Variants in XYLB observed in about 807,000 individuals in gnomAD.
The protein encoded by XYLB is xylulose kinase.
A neutral mutation model predicts 78.7 loss-of-function variants in XYLB; 62 were observed. The observed-to-expected ratio is 0.79, with a 90% CI of 0.64 to 0.97. The LOEUF is 0.97. Among genes scored for constraint, XYLB ranks in the 50% least tolerant of loss-of-function variants. XYLB has a pLI of 0.00. For synonymous variants in XYLB, 245 were observed against 247.4 expected, an observed-to-expected ratio of 0.99 and a Z score of 0.09; for missense variants, 687 against 676.8, an observed-to-expected ratio of 1.02 and a Z score of -0.17.
At chr3:38,434,503 T>C in the XYLB span, among the ~76,000 whole-genome samples, 1 of 152,222 alleles carries the variant, frequency 6.6e-6, no homozygotes, top group Non-Finnish European at 1.5e-5. Flanking sequence ...AGAAATGTCT[T>C]TCCCAAATAA....
chr3:38,423,085 T>A (rs571096963), downstream of XYLB, among the ~76,000 whole-genome samples: 13 of 152,236 alleles, frequency 8.5e-5, no homozygotes, highest in East Asian at 2.3e-3. Context: ...TATTATTATT[T>A]TTCTTAAGAT....
chr3:38,397,108 A>G lies in XYLB; in HGVS notation c.1387A>G (p.Ile463Val). ...TGTGTTTGATGCCCCGGTGTATGTTATAGACACTGCCAACTCGGCCTGTGT... is the reference window on the plus strand; with the variant it reads ...TGTGTTTGATGCCCCGGTGTATGTTGTAGACACTGCCAACTCGGCCTGTGT... ...ADVFDAPVYV[I>V]DTANSACVGS... Residue 463 changes from isoleucine to valine, a missense_variant, in exon 17 of 19, where the codon ATA (isoleucine) becomes GTA (valine). Coordinates refer to ENST00000207870, the MANE Select transcript of XYLB (RefSeq NM_005108.4). 6.2e-7 allele frequency: 1 copy of G among 1,614,136 alleles called. No homozygotes were observed. The highest frequency in any genetic ancestry group is 8.5e-7 in the Non-Finnish European group (1 of 1,180,032).
chr3:38,355,848 C>G (rs1222729994), intron 2 of XYLB: 9 of 701,260 alleles, frequency 1.3e-5, no homozygotes, highest in Non-Finnish European at 1.6e-5. Flanking sequence ...TTCCTAACCA[C>G]CTACTGATTG....
At chr3:38,449,080 CTG>C in the XYLB span, among the ~76,000 whole-genome samples, 1 of 151,934 alleles carries the variant, frequency 6.6e-6, no homozygotes, top group Non-Finnish European at 1.5e-5. Flanking sequence ...TACAGTTGCT[CTG>C]TGTTTTTCAT....
the XYLB span, among the ~76,000 whole-genome samples, chr3:38,445,296 T>G: frequency 6.6e-6 from 1 of 152,180 alleles, no homozygotes; most frequent in Non-Finnish European, 1.5e-5. Context: ...CCTAAAAGGA[T>G]AGTTGAACTC....
the XYLB span, among the ~76,000 whole-genome samples, chr3:38,444,878 A>G: frequency 1.3e-5 from 2 of 151,534 alleles, no homozygotes; most frequent in South Asian, 4.2e-4. Flanking sequence ...TCACTGATGC[A>G]GTAGCAGAAA....
chr3:38,378,884 A>G (rs1249183326), intron 14 of XYLB, among the ~76,000 whole-genome samples: 1 of 150,400 alleles, frequency 6.6e-6, no homozygotes, highest in African/African-American at 2.5e-5. Flanking sequence ...AACCCTAAAA[A>G]ACAGGCGCCA....
chr3:38,433,296 T>G, the XYLB span, among the ~76,000 whole-genome samples: 16 of 152,166 alleles, frequency 1.1e-4, 1 homozygote, highest in Admixed American at 1.3e-4. Flanking sequence ...AACCATTTTT[T>G]CCTCCTAGGC....
chr3:38,370,022 A>G, intron 8 of XYLB, 34 bp from the exon 9 acceptor site: 1 of 1,586,268 alleles, frequency 6.3e-7, no homozygotes, highest in Non-Finnish European at 8.7e-7. Flanking sequence ...TCCATTTTCA[A>G]GATTGTCTGT....
rs758952470 is a variant in XYLB at position 38,395,460 on chromosome 3, G to A, written c.1292-45G>A. ...CTGCAAAAACAGCCCTTTCTGCCTT[G>A]GGAGAACTGGCATAGCTATTTTACT... is the stretch of plus-strand genomic sequence containing the variant. On this transcript the variant is annotated intron_variant, in intron 15 of 18. Coordinates refer to ENST00000207870, the MANE Select transcript of XYLB (RefSeq NM_005108.4). 10 of 1,600,656 alleles carry A rather than the reference G, an allele frequency of 6.2e-6. 1 individual carries two copies. The South Asian group carries it at 1.1e-4, about 18-fold the overall frequency.
In XYLB at chr3:38,400,998, C is replaced by A. The variant is rs191131784; in HGVS notation, c.1533+13C>A. 1.9e-6 allele frequency: 3 copies of A among 1,613,018 alleles called. No individual in the cohort carries two copies. Among genetic ancestry groups the A allele is most frequent in the Non-Finnish European group, 1.7e-6 (2 of 1,179,024 alleles). On this transcript the variant is annotated intron_variant, in intron 18 of 18. Transcript: ENST00000207870. ...GGGAGCTTCTCAGGTGAGAGACCAT[C>A]GGAATTTGTTTGTAGCATTTGCATT...
At chr3:38,399,766 C>T (rs923135024) in intron 17 of XYLB, among the ~76,000 whole-genome samples, 1 of 152,166 alleles carries the variant, frequency 6.6e-6, no homozygotes, top group East Asian at 1.9e-4. Context: ...GGCCACTGCC[C>T]TGCTCTGCCC....
intron 2 of XYLB, among the ~76,000 whole-genome samples, chr3:38,352,868 G>A (rs1368592724): frequency 1.3e-5 from 2 of 152,136 alleles, no homozygotes; most frequent in African/African-American, 4.8e-5. Context: ...GTAGAGAAGG[G>A]ACGGAGAGGA....
chr3:38,447,470 A>ATTT, the XYLB span, among the ~76,000 whole-genome samples: 187 of 124,878 alleles, frequency 1.5e-3, no homozygotes, highest in East Asian at 2.0e-3. Flanking sequence ...CATCTGGCTA[A>ATTT]TTTTTTTTTT....
intron 2 of XYLB, among the ~76,000 whole-genome samples, chr3:38,357,872 A>G (rs1309345072): frequency 6.6e-6 from 1 of 150,550 alleles, no homozygotes; most frequent in Non-Finnish European, 1.5e-5. Context: ...TTTTAAAAAA[A>G]AACTGTGTTA....
chr3:38,385,312 C>T (rs1707335106), intron 15 of XYLB, among the ~76,000 whole-genome samples: 2 of 152,246 alleles, frequency 1.3e-5, no homozygotes, highest in African/African-American at 4.8e-5. Flanking sequence ...TGCCCTATAC[C>T]CTTGTCCCTA....
chr3:38,426,779 C>G, the XYLB span, among the ~76,000 whole-genome samples: 1 of 152,140 alleles, frequency 6.6e-6, no homozygotes, highest in African/African-American at 2.4e-5. Flanking sequence ...AATCCCTAAC[C>G]CTGTCATAAA....
At chr3:38,385,013 T>G (rs530236800) in intron 15 of XYLB, among the ~76,000 whole-genome samples, 46 of 152,308 alleles carry the variant, frequency 3.0e-4, no homozygotes, top group African/African-American at 1.1e-3. Flanking sequence ...TTTTTGTTCT[T>G]GTTTTGAGAC....
At chr3:38,429,352 G>A in the XYLB span, among the ~76,000 whole-genome samples, 3 of 152,054 alleles carry the variant, frequency 2.0e-5, no homozygotes, top group Non-Finnish European at 4.4e-5. Context: ...CAGCTTCTTT[G>A]TTTTAGTTTT....
Sources: gnomAD v4.1 joint callset for allele counts (sites outside exome capture counted in the v4.1 genomes callset) on GRCh38, gnomAD v4.1.1 for gene constraint, MANE v1.5 for transcripts, NCBI Gene and HGNC (gene_info 2026-07-23, HGNC 2026-07-21) for gene names.